Variants in SLIT2 observed in about 807,000 individuals in gnomAD.
SLIT2 encodes the protein slit homolog 2 protein.
Under a neutral mutation model 185.7 loss-of-function variants are expected in SLIT2, and 41 were observed. The ratio of observed to expected loss-of-function variants is 0.22; its 90% CI spans 0.17 to 0.29. SLIT2 has a LOEUF of 0.29. SLIT2 is among the 10% of genes least tolerant of loss of function. The pLI, the probability that SLIT2 is intolerant of heterozygous loss-of-function variation, is 1.00. For missense variants in SLIT2, 1,571 were observed against 1,909.0 expected, an observed-to-expected ratio of 0.82 and a Z score of 3.30; for synonymous variants, 693 against 680.2, an observed-to-expected ratio of 1.02 and a Z score of -0.29.
At chr4:20,605,859 G>A (rs1728760341) in intron 33 of SLIT2, among the ~76,000 whole-genome samples, 2 of 151,810 alleles carry the variant, frequency 1.3e-5, no homozygotes, top group Non-Finnish European at 1.5e-5. Flanking sequence ...CAATCCTCAT[G>A]CCTCAGCCTC....
At chr4:20,567,199 T>A in intron 26 of SLIT2, 63 bp from the exon 27 acceptor site, 1 of 1,392,114 alleles carries the variant, frequency 7.2e-7, no homozygotes, top group Admixed American at 2.0e-5. Flanking sequence ...CATTAAGGCA[T>A]ACAAGTAATT....
rs1560453009 is a variant in SLIT2, at chr4:20,472,303, GATCT to G, written c.467+4483_467+4486del. The stretch of plus-strand genomic sequence containing the variant: ...ATATATATAGATATATAGATATATA[GATCT>G]ATATATAGATATATATATCTATATA... On this transcript the variant is annotated intron_variant, in intron 5 of 36. Transcript: ENST00000504154. 1.0e-3 allele frequency among the ~76,000 whole-genome samples: 31 copies of G among 30,970 alleles called. 1 individual carries two copies. The East Asian group carries it at 0.025, about 25-fold the overall frequency. 20.3% of individuals were successfully genotyped at this position (30,970 alleles called of 152,430 possible). A position where few individuals can be genotyped will look rare whatever the true frequency, so the allele number is the denominator to read the frequency against.
chr4:20,612,380 G>T (rs1277836549), intron 34 of SLIT2, among the ~76,000 whole-genome samples: 1 of 150,888 alleles, frequency 6.6e-6, no homozygotes, highest in Admixed American at 6.6e-5. Flanking sequence ...TGAAGGTAGA[G>T]GGCCTGGAAA....
At chr4:20,570,757 A>G (rs1354234433) in intron 29 of SLIT2, among the ~76,000 whole-genome samples, 1 of 122,582 alleles carries the variant, frequency 8.2e-6, no homozygotes, top group African/African-American at 3.1e-5. Context: ...ATATATATAT[A>G]TATATTTCCT....
intron 29 of SLIT2, 167 bp downstream of exon 29, chr4:20,569,171 C>A: frequency 1.6e-6 from 1 of 622,586 alleles, no homozygotes. Flanking sequence ...ATAGTTTCAG[C>A]TAACCAAATA....
chr4:20,533,487 C>G (rs1052481289), intron 17 of SLIT2, 85 bp from the exon 18 acceptor site: 10 of 1,039,690 alleles, frequency 9.6e-6, no homozygotes, highest in African/African-American at 1.6e-5. Context: ...AAACTTGGAT[C>G]ATTAGAAGAA....
At chr4:20,583,455 G>A (rs1726769428) in intron 29 of SLIT2, among the ~76,000 whole-genome samples, 1 of 152,158 alleles carries the variant, frequency 6.6e-6, no homozygotes, top group South Asian at 2.1e-4. Context: ...TACTAGGAAG[G>A]AAGTAGAAAT....
chr4:20,408,349 G>A (rs1726935844), intron 4 of SLIT2, among the ~76,000 whole-genome samples: 1 of 152,042 alleles, frequency 6.6e-6, no homozygotes, highest in African/African-American at 2.4e-5. Context: ...CAGCCCCTAA[G>A]CCCTTGCCAA....
chr4:20,435,075 TAA>T (rs1171086000), intron 4 of SLIT2, among the ~76,000 whole-genome samples: 2 of 152,232 alleles, frequency 1.3e-5, no homozygotes, highest in Non-Finnish European at 2.9e-5. Flanking sequence ...TTTATTAAAA[TAA>T]AAAGTTTTTT....
intron 4 of SLIT2, among the ~76,000 whole-genome samples, chr4:20,458,549 T>C (rs2148725497): frequency 1.3e-5 from 2 of 152,292 alleles, no homozygotes; most frequent in East Asian, 3.9e-4. Flanking sequence ...CAGAAGTCTG[T>C]TTTTTAAAAC....
intron 4 of SLIT2, among the ~76,000 whole-genome samples, chr4:20,383,637 T>G (rs1392914716): frequency 6.6e-6 from 1 of 152,202 alleles, no homozygotes; most frequent in Non-Finnish European, 1.5e-5. Context: ...ATGGTTCATT[T>G]ATATTGGAAG....
At chr4:20,305,485 G>A (rs1717456490) in intron 4 of SLIT2, among the ~76,000 whole-genome samples, 1 of 152,146 alleles carries the variant, frequency 6.6e-6, no homozygotes, top group Admixed American at 6.5e-5. Context: ...CACACAGCTT[G>A]TATACTTGGG....
Position 20,617,131 on chromosome 4 carries a change from G to A in SLIT2, c.4069G>A (p.Glu1357Lys), listed in dbSNP as rs1276493567. 5.6e-6 allele frequency: 9 copies of A among 1,609,914 alleles called. No homozygotes were observed. Among genetic ancestry groups the A allele is most frequent in the Admixed American group, 3.3e-5 (2 of 59,954 alleles). The change falls in exon 35 of 37, where the codon GAG becomes AAG. Residue 1357 changes from glutamate (E) to lysine (K), a missense_variant. Glu to Lys is a moderately conservative substitution (Grantham distance 56). Around this residue, in one of 3 missense-constraint regions of SLIT2, gnomAD observed 223 missense variants for 245.2 expected, o/e 0.91. Coordinates refer to ENST00000504154, the MANE Select transcript of SLIT2 (RefSeq NM_004787.4). ...CAGCAGCCAGGCAGGCTTCACCTGC[G>A]AGTGCCAGGAAGGATGGATGGGGCC... ...QPSSQAGFTC[E>K]CQEGWMGPLC...
chr4:20,390,284 T>A (rs10000297), intron 4 of SLIT2, among the ~76,000 whole-genome samples: 16,018 of 152,056 alleles, frequency 0.11, 881 homozygotes, highest in African/African-American at 0.14. Flanking sequence ...ACAAAAAAAA[T>A]TGCCGTGCAT....
At chr4:20,361,869 G>T (rs1023707487) in intron 4 of SLIT2, among the ~76,000 whole-genome samples, 1 of 151,742 alleles carries the variant, frequency 6.6e-6, no homozygotes, top group Non-Finnish European at 1.5e-5. Context: ...CATTTTTTGG[G>T]TGTACAGCCC....
intron 29 of SLIT2, 46 bp from the exon 30 acceptor site, chr4:20,589,598 C>G (rs755244960): frequency 7.2e-7 from 1 of 1,384,936 alleles, no homozygotes; most frequent in South Asian, 1.2e-5. Context: ...TGGCAGGAAG[C>G]CTGTTGACCT....
At chr4:20,616,834 G>A (rs1319565068) in intron 34 of SLIT2, 76 bp from the exon 35 acceptor site, 5 of 1,481,130 alleles carry the variant, frequency 3.4e-6, no homozygotes, top group East Asian at 2.3e-5. Context: ...GAGGTCCCAA[G>A]CATCAGTATT....
chr4:20,336,244 T>C (rs1161558804), intron 4 of SLIT2, among the ~76,000 whole-genome samples: 1 of 152,180 alleles, frequency 6.6e-6, no homozygotes, highest in Non-Finnish European at 1.5e-5. Context: ...TCCTTTAATA[T>C]GTGAAGACAC....
intron 28 of SLIT2, among the ~76,000 whole-genome samples, chr4:20,568,339 A>G (rs540475505): frequency 6.6e-6 from 1 of 152,230 alleles, no homozygotes; most frequent in South Asian, 2.1e-4. Flanking sequence ...ATGCCAGAGG[A>G]AGGATTGTAT....
Sources: gnomAD v4.1 joint callset for allele counts (sites outside exome capture counted in the v4.1 genomes callset) on GRCh38, gnomAD v4.1.1 for gene constraint, gnomAD v4.1.1 regional missense constraint, MANE v1.5 for transcripts, NCBI Gene and HGNC (gene_info 2026-07-23, HGNC 2026-07-21) for gene names.